Variants in LDLRAD4 observed in about 807,000 individuals in gnomAD.
LDLRAD4 encodes the protein low-density lipoprotein receptor class A domain-containing protein 4.
LDLRAD4 carries 5 observed loss-of-function variants against 17.0 expected under a neutral mutation model. The ratio of observed to expected loss-of-function variants is 0.29; its 90% CI spans 0.15 to 0.62. The LOEUF (loss-of-function observed/expected upper bound fraction) is 0.62, where lower values mean the gene tolerates loss of function less well. Ranked by LOEUF, LDLRAD4 falls within the 20% of genes least tolerant of loss-of-function variation. The probability of loss-of-function intolerance (pLI) is 0.84; values close to 1 mark genes in which losing one functional copy is unlikely to be tolerated. For missense variants in LDLRAD4, 340 were observed against 424.7 expected (o/e 0.80, Z 1.75); for synonymous variants, 168 against 171.8 (o/e 0.98, Z 0.17).
intron 1 of LDLRAD4, among the ~76,000 whole-genome samples, chr18:13,385,615 G>T (rs1448106222): frequency 6.6e-6 from 1 of 152,148 alleles, no homozygotes; most frequent in Non-Finnish European, 1.5e-5. Flanking sequence ...TAGCATATTT[G>T]CACACCAAAA....
chr18:13,649,505 C>T (rs917595060), exon 6 of LDLRAD4: 5 of 152,380 alleles, frequency 3.3e-5, no homozygotes, highest in Middle Eastern at 3.4e-3. Flanking sequence ...GAGAGACACC[C>T]GGCACCCAGT....
At chr18:13,638,048 CTT>C (rs2042234183) in intron 4 of LDLRAD4, among the ~76,000 whole-genome samples, 1 of 152,084 alleles carries the variant, frequency 6.6e-6, no homozygotes. Flanking sequence ...ATGACAACCT[CTT>C]TTTACAAATA....
At chr18:13,563,716 CTT>C (rs939586078) in intron 3 of LDLRAD4, among the ~76,000 whole-genome samples, 1 of 152,096 alleles carries the variant, frequency 6.6e-6, no homozygotes, top group Non-Finnish European at 1.5e-5. Flanking sequence ...TCAATAAACA[CTT>C]AAGTGCCTGG....
chr18:13,532,545 G>C (rs1397374265), intron 3 of LDLRAD4, among the ~76,000 whole-genome samples: 1 of 152,124 alleles, frequency 6.6e-6, no homozygotes, highest in Non-Finnish European at 1.5e-5. Flanking sequence ...CGGAGGAGTG[G>C]GATAGCTTTT....
chr18:13,458,797 C>G (rs773374628), intron 3 of LDLRAD4, among the ~76,000 whole-genome samples: 1 of 152,232 alleles, frequency 6.6e-6, no homozygotes, highest in Non-Finnish European at 1.5e-5. Flanking sequence ...AAAGAGAGAT[C>G]AGAGCCATGC....
At chr18:13,558,583 A>G (rs1485353593) in intron 3 of LDLRAD4, among the ~76,000 whole-genome samples, 1 of 152,220 alleles carries the variant, frequency 6.6e-6, no homozygotes, top group Non-Finnish European at 1.5e-5. Context: ...TTTTATTCCT[A>G]GTAGGATCGG....
At chr18:13,566,686 A>G (rs1490641423) in intron 3 of LDLRAD4, among the ~76,000 whole-genome samples, 1 of 152,144 alleles carries the variant, frequency 6.6e-6, no homozygotes, top group African/African-American at 2.4e-5. Flanking sequence ...ATTAAATGAC[A>G]GCAGGTGTCT....
At chr18:13,408,555 C>T (rs896015045) in intron 2 of LDLRAD4, among the ~76,000 whole-genome samples, 4 of 152,088 alleles carry the variant, frequency 2.6e-5, no homozygotes, top group South Asian at 4.2e-4. Flanking sequence ...TCACTGCAAC[C>T]TCTGCCTCCT....
At chr18:13,417,860 G>A (rs2089064873) in intron 2 of LDLRAD4, among the ~76,000 whole-genome samples, 1 of 152,036 alleles carries the variant, frequency 6.6e-6, no homozygotes, top group Non-Finnish European at 1.5e-5. Flanking sequence ...TGTGTGGTTT[G>A]TGTGTGTGTG....
intron 4 of LDLRAD4, among the ~76,000 whole-genome samples, chr18:13,639,449 G>A (rs934358259): frequency 6.6e-6 from 1 of 152,252 alleles, no homozygotes; most frequent in African/African-American, 2.4e-5. Flanking sequence ...TTCATCAGCA[G>A]CATGAGAGGT....
intron 3 of LDLRAD4, among the ~76,000 whole-genome samples, chr18:13,528,908 A>G (rs2094080792): frequency 6.6e-6 from 1 of 152,090 alleles, no homozygotes; most frequent in African/African-American, 2.4e-5. Context: ...CTCTCTCACA[A>G]GCTCCCAGTG....
intron 3 of LDLRAD4, among the ~76,000 whole-genome samples, chr18:13,479,861 C>CA (rs2093039811): frequency 6.6e-6 from 1 of 152,106 alleles, no homozygotes; most frequent in African/African-American, 2.4e-5. Context: ...CAGGGAAATG[C>CA]AAATTAAATA....
intron 3 of LDLRAD4, chr18:13,543,624 T>C (rs2094317842): frequency 6.6e-6 from 1 of 152,268 alleles, no homozygotes; most frequent in Admixed American, 6.5e-5. Context: ...TTGTAGATTA[T>C]CTTTGTACCT....
intron 1 of LDLRAD4, among the ~76,000 whole-genome samples, chr18:13,230,178 A>G (rs2042002395): frequency 6.6e-6 from 1 of 152,198 alleles, no homozygotes; most frequent in Non-Finnish European, 1.5e-5. Context: ...GGTGCCATCT[A>G]TGAAGAATGG....
At chr18:13,519,788 G>C (rs1020548451) in intron 3 of LDLRAD4, 18 of 152,030 alleles carry the variant, frequency 1.2e-4, no homozygotes, top group African/African-American at 4.3e-4. Flanking sequence ...AAGTGGAAAT[G>C]AAATTTTCCA....
chr18:13,424,114 G>A (rs940743556), intron 2 of LDLRAD4, among the ~76,000 whole-genome samples: 5 of 145,532 alleles, frequency 3.4e-5, no homozygotes, highest in African/African-American at 7.7e-5. Flanking sequence ...CAGCCTGGGC[G>A]ACGAGAGTGA....
intron 3 of LDLRAD4, among the ~76,000 whole-genome samples, chr18:13,508,411 G>C (rs1360990641): frequency 6.6e-6 from 1 of 152,172 alleles, no homozygotes; most frequent in Non-Finnish European, 1.5e-5. Context: ...CCCTCTATTG[G>C]AAGGAGATGC....
chr18:13,418,924 T>C (rs1375234507), intron 2 of LDLRAD4, among the ~76,000 whole-genome samples: 1 of 152,190 alleles, frequency 6.6e-6, no homozygotes, highest in Admixed American at 6.5e-5. Flanking sequence ...ATAGAGATTT[T>C]ATATAAATGA....
chr18:13,225,477 A>C (rs937877121), intron 1 of LDLRAD4, among the ~76,000 whole-genome samples: 9 of 152,198 alleles, frequency 5.9e-5, no homozygotes, highest in Admixed American at 1.3e-4. Context: ...CATGGGGCTG[A>C]TTAAGTTACG....
Sources: gnomAD v4.1 joint callset for allele counts (sites outside exome capture counted in the v4.1 genomes callset) on GRCh38, gnomAD v4.1.1 for gene constraint, MANE v1.5 for transcripts, NCBI Gene and HGNC (gene_info 2026-07-23, HGNC 2026-07-21) for gene names.